The following KLHL1 variants were observed in gnomAD, a reference collection of about 807,000 sequenced individuals.
The protein encoded by KLHL1 is kelch like family member 1, also known as kelch-like protein 1.
KLHL1 carries 47 observed loss-of-function variants against 77.7 expected under a neutral mutation model. The ratio of observed to expected loss-of-function variants is 0.60; its 90% confidence interval spans 0.48 to 0.77. The LOEUF (loss-of-function observed/expected upper bound fraction) is 0.77, where lower values mean the gene tolerates loss of function less well. KLHL1 is among the 30% of genes least tolerant of loss of function. KLHL1 has a pLI of 0.00. For missense variants in KLHL1, 925 were observed against 910.8 expected (o/e 1.02, Z -0.20); for synonymous variants, 360 against 325.2 (o/e 1.11, Z -1.15).
chr13:69,720,589 A>G (rs1054959697), intron 8 of KLHL1, among the ~76,000 whole-genome samples: 2 of 152,102 alleles, frequency 1.3e-5, no homozygotes, highest in Non-Finnish European at 1.5e-5. Flanking sequence ...AAGCAGGATC[A>G]GTAATGCAAC....
chr13:70,042,663 G>A (rs1190119856), intron 1 of KLHL1, among the ~76,000 whole-genome samples: 1 of 152,056 alleles, frequency 6.6e-6, no homozygotes, highest in African/African-American at 2.4e-5. Flanking sequence ...CAATGACTAT[G>A]TCACTATTTG....
intron 1 of KLHL1, among the ~76,000 whole-genome samples, chr13:70,027,973 T>A (rs1885998898): frequency 6.6e-6 from 1 of 152,134 alleles, no homozygotes; most frequent in Non-Finnish European, 1.5e-5. Context: ...ATTTAATGAA[T>A]TTATACCCAT....
chr13:70,008,588 A>G (rs1037646638), intron 1 of KLHL1, among the ~76,000 whole-genome samples: 12 of 152,040 alleles, frequency 7.9e-5, no homozygotes, highest in Non-Finnish European at 1.2e-4. Context: ...TATCTCTCCT[A>G]TATTTCCTAT....
At chr13:70,065,792 G>A (rs1364441483) in intron 1 of KLHL1, among the ~76,000 whole-genome samples, 1 of 151,968 alleles carries the variant, frequency 6.6e-6, no homozygotes, top group African/African-American at 2.4e-5. Flanking sequence ...CTGAACATCA[G>A]TTTATGTAAA....
At chr13:69,779,870 G>C (rs1015027517) in intron 7 of KLHL1, among the ~76,000 whole-genome samples, 2 of 151,942 alleles carry the variant, frequency 1.3e-5, no homozygotes, top group Non-Finnish European at 2.9e-5. Flanking sequence ...GAGTGCAATG[G>C]TGCGATCTCG....
intron 5 of KLHL1, among the ~76,000 whole-genome samples, chr13:69,875,992 T>G (rs1253036321): frequency 6.6e-6 from 1 of 152,156 alleles, no homozygotes; most frequent in Non-Finnish European, 1.5e-5. Context: ...CAATGATTGT[T>G]AATGGATTGT....
At chr13:69,989,697 T>C (rs1414909718) in intron 1 of KLHL1, among the ~76,000 whole-genome samples, 1 of 152,044 alleles carries the variant, frequency 6.6e-6, no homozygotes, top group Non-Finnish European at 1.5e-5. Flanking sequence ...GCTGTATTTC[T>C]AGGTATTTTA....
chr13:70,013,032 T>C (rs1397302125), intron 1 of KLHL1, among the ~76,000 whole-genome samples: 1 of 152,196 alleles, frequency 6.6e-6, no homozygotes, highest in African/African-American at 2.4e-5. Context: ...TTCTTGTATT[T>C]ACACAATAGT....
chr13:70,092,105 C>T (rs796365870), intron 1 of KLHL1, among the ~76,000 whole-genome samples: 1 of 152,172 alleles, frequency 6.6e-6, no homozygotes, highest in African/African-American at 2.4e-5. Context: ...AAGTAGTTTC[C>T]ACCAGATGAG....
chr13:70,038,657 C>T (rs1419571568), intron 1 of KLHL1, among the ~76,000 whole-genome samples: 1 of 127,870 alleles, frequency 7.8e-6, no homozygotes, highest in Non-Finnish European at 1.6e-5. Context: ...ATGATGCGAT[C>T]TCAGCTCACT....
Position 70,024,620 on chromosome 13 carries a change from T to TTCTCTCTCTCTCTTTCTCTCTTTC in KLHL1, c.498-48819_498-48818insGAAAGAGAGAAAGAGAGAGAGAGA, listed in dbSNP as rs1555291446. Among the ~76,000 whole-genome samples the TTCTCTCTCTCTCTTTCTCTCTTTC allele has an allele frequency of 5.2e-4, 68 of 130,406 alleles. 1 individual carries two copies. Among genetic ancestry groups the TTCTCTCTCTCTCTTTCTCTCTTTC allele is most frequent in the African/African-American group, 1.7e-3 (65 of 38,136 alleles). 85.6% of individuals were successfully genotyped at this position (130,406 alleles called of 152,430 possible). On this transcript the variant is annotated intron_variant, in intron 1 of 10. Transcript: ENST00000377844. ...CTGGTTAGGGGTGAGGAGAAAAGAT[T>TTCTCTCTCTCTCTTTCTCTCTTTC]TCTCTCTCTCTCTCTCTCTCTCTCT...
At chr13:69,813,273 A>T (rs1421641225) in intron 6 of KLHL1, among the ~76,000 whole-genome samples, 2 of 151,160 alleles carry the variant, frequency 1.3e-5, no homozygotes, top group South Asian at 4.2e-4. Context: ...GAATTGAACA[A>T]TGAGAACACT....
chr13:69,916,760 G>GAA lies in KLHL1; in HGVS notation c.1014+23278_1014+23279dup, dbSNP rs543456088. ...TATAATAAAAATAATAAAATAAAGTGAAAAAAAAACCACATAGTAAATGGC... is the reference window on the plus strand; with the variant it reads ...TATAATAAAAATAATAAAATAAAGTGAAAAAAAAAAACCACATAGTAAATGGC... On this transcript the variant is annotated intron_variant, in intron 4 of 10. Transcript: ENST00000377844. Among the ~76,000 whole-genome samples the GAA allele has an allele frequency of 7.2e-3, 1,048 of 146,352 alleles. 11 individuals are homozygous for GAA. Among genetic ancestry groups the GAA allele is most frequent in the African/African-American group, 0.025 (994 of 39,852 alleles).
chr13:69,847,418 A>G (rs77738217), intron 5 of KLHL1, among the ~76,000 whole-genome samples: 1 of 151,286 alleles, frequency 6.6e-6, no homozygotes, highest in African/African-American at 2.4e-5. Flanking sequence ...AAAAAAAAAA[A>G]AAAAAAAAAC....
At chr13:69,884,344 C>T (rs375587372) in intron 4 of KLHL1, among the ~76,000 whole-genome samples, 1 of 148,876 alleles carries the variant, frequency 6.7e-6, no homozygotes, top group East Asian at 2.0e-4. Context: ...TTCCTTTGGG[C>T]ACCATGTAAA....
intron 9 of KLHL1, among the ~76,000 whole-genome samples, chr13:69,714,301 A>G (rs1236329638): frequency 2.0e-5 from 3 of 152,144 alleles, no homozygotes; most frequent in Non-Finnish European, 2.9e-5. Context: ...TGAGTTGTTG[A>G]CAGAACAAAA....
intron 3 of KLHL1, among the ~76,000 whole-genome samples, chr13:69,955,261 A>G (rs1166885714): frequency 6.6e-6 from 1 of 151,392 alleles, no homozygotes; most frequent in Non-Finnish European, 1.5e-5. Flanking sequence ...AGGACATTAA[A>G]CATCTCAGCC....
At chr13:70,028,803 T>A (rs2325265) in intron 1 of KLHL1, among the ~76,000 whole-genome samples, 2 of 151,560 alleles carry the variant, frequency 1.3e-5, no homozygotes, top group Non-Finnish European at 2.9e-5. Context: ...GTGGCGAAAC[T>A]TCATCTCTAC....
chr13:69,924,993 A>G (rs1168475712), intron 4 of KLHL1, among the ~76,000 whole-genome samples: 1 of 152,032 alleles, frequency 6.6e-6, no homozygotes, highest in African/African-American at 2.4e-5. Context: ...ATCCCATGCT[A>G]CCTCGCTCAC....
Sources: allele counts gnomAD v4.1 joint callset (sites outside exome capture counted in the v4.1 genomes callset), GRCh38; gene constraint gnomAD v4.1.1; transcripts MANE v1.5; gene names NCBI Gene and HGNC (gene_info 2026-07-23, HGNC 2026-07-21).